The following ZNF398 variants were observed in gnomAD, a reference collection of about 807,000 sequenced individuals.
The protein encoded by ZNF398 is zinc finger DNA binding protein ZER6.
In ZNF398, 18 loss-of-function variants were observed where a neutral mutation model predicts 41.9. The ratio of observed to expected loss-of-function variants is 0.43; its 90% CI spans 0.30 to 0.64. ZNF398 has a LOEUF of 0.64. Among genes scored for constraint, ZNF398 ranks in the 30% least tolerant of loss-of-function variants. The pLI is 0.14. For missense variants in ZNF398, 669 were observed against 822.8 expected (o/e 0.81, Z 2.29); for synonymous variants, 260 against 308.8 (o/e 0.84, Z 1.66).
rs1826993001 is a variant in ZNF398, at chr7:149,147,826, G to A, written c.24+60G>A. Reference sequence around the variant, plus strand: ...CGAGACCCAGACCCCGAGGGAGGAAGGCGGGCGGGCAGGGAGCTGCCAGGC... The same window carrying A: ...CGAGACCCAGACCCCGAGGGAGGAAAGCGGGCGGGCAGGGAGCTGCCAGGC... On this transcript the variant is annotated intron_variant, in intron 1 of 5. Coordinates refer to ENST00000475153, the MANE Select transcript of ZNF398 (RefSeq NM_170686.3). This position sits in a 1 kb window ranked among gnomAD's most constrained non-coding sequence, Gnocchi z 5.6. 7.5e-7 allele frequency: 1 copy of A among 1,325,450 alleles called. No individual in the cohort carries two copies. The highest frequency in any genetic ancestry group is 9.7e-7 in the Non-Finnish European group (1 of 1,034,222). The allele number at this position is 1,325,450 out of a possible 1,614,324, so 82.1% of individuals were successfully genotyped here.
intron 2 of ZNF398, among the ~76,000 whole-genome samples, chr7:149,133,749 A>G (rs1312336373): frequency 5.8e-5 from 8 of 138,080 alleles, no homozygotes; most frequent in African/African-American, 1.8e-4. Context: ...TGTGACCTTC[A>G]GATTTTTTTT....
chr7:149,151,179 C>G (rs1827102778), intron 1 of ZNF398: 1 of 1,148,458 alleles, frequency 8.7e-7, no homozygotes, highest in Middle Eastern at 2.5e-4. Flanking sequence ...TATGTGGTGA[C>G]AGCAGTTTAC....
At position 149,166,263 on chromosome 7, in the gene ZNF398, T is replaced by A; in HGVS notation, c.526T>A (p.Tyr176Asn). ...ELYKNIMKGN[Y>N]ESLISMDYAI... ...TTACAAGAATATCATGAAGGGCAAC[T>A]ACGAGTCTCTCATCTCCATGGGTGA... Residue 176 changes from tyrosine to asparagine, a missense_variant, in exon 3 of 6, where the codon TAC becomes AAC. Tyr to Asn is a moderately radical substitution (Grantham distance 143). Around this residue, in one of 3 missense-constraint regions of ZNF398, gnomAD observed 169 missense variants for 239.5 expected, o/e 0.71. Coordinates refer to ENST00000475153, the MANE Select transcript of ZNF398 (RefSeq NM_170686.3). 4 of 1,614,160 alleles carry A rather than the reference T, an allele frequency of 2.5e-6. No individual in the cohort carries two copies. Among genetic ancestry groups the A allele is most frequent in the Non-Finnish European group, 3.4e-6 (4 of 1,180,014 alleles).
Position 149,178,700 on chromosome 7 carries a change from T to C in ZNF398, c.828T>C (p.Pro276=). 4 of 1,614,222 alleles carry C rather than the reference T, an allele frequency of 2.5e-6. No individual in the cohort carries two copies. In the Middle Eastern group the frequency reaches 6.6e-4, roughly 266 times the overall value. The part of the protein sequence containing the change: ...AEGLARSSLC[P]EVPVPFSSPP... ...GCCTTGCTAGATCCTCGTTGTGCCCTGAGGTTCCAGTCCCTTTCTCTTCTC... is the reference window on the plus strand; with the variant it reads ...GCCTTGCTAGATCCTCGTTGTGCCCCGAGGTTCCAGTCCCTTTCTCTTCTC... Residue 276 remains proline (P), a synonymous_variant, in exon 6 of 6, where the codon CCT becomes CCC. Coordinates refer to ENST00000475153, the MANE Select transcript of ZNF398 (RefSeq NM_170686.3).
intron 2 of ZNF398, among the ~76,000 whole-genome samples, chr7:149,142,433 C>T (rs903377428): frequency 1.3e-5 from 2 of 152,032 alleles, no homozygotes; most frequent in African/African-American, 2.4e-5. Flanking sequence ...TTTGGGAGGC[C>T]GAGGCGGGCG....
chr7:149,138,845 G>A (rs1585505204), intron 2 of ZNF398, among the ~76,000 whole-genome samples: 1 of 151,808 alleles, frequency 6.6e-6, no homozygotes, highest in African/African-American at 2.4e-5. Context: ...AACCTCTGGG[G>A]TTCAATTGAT....
chr7:149,172,373 G>A (rs1171359039), intron 4 of ZNF398, among the ~76,000 whole-genome samples: 2 of 152,090 alleles, frequency 1.3e-5, no homozygotes, highest in South Asian at 2.1e-4. Flanking sequence ...CACTGTATAC[G>A]CTACCTGGCC....
upstream of ZNF398, chr7:149,147,217 G>T (rs1411275565): frequency 1.3e-5 from 2 of 152,262 alleles, no homozygotes; most frequent in Non-Finnish European, 2.9e-5. The surrounding 1 kb of genome is among the most constrained non-coding windows in gnomAD (Gnocchi z 5.6). Context: ...AATGAGCCCG[G>T]CTTTGCGGCT....
chr7:149,154,723 G>T (rs573159787), intron 2 of ZNF398, among the ~76,000 whole-genome samples: 1 of 152,068 alleles, frequency 6.6e-6, no homozygotes, highest in South Asian at 2.1e-4. Flanking sequence ...TTGAGGCTGG[G>T]CGCGGTGGCT....
chr7:149,176,379 C>T (rs1795460944), intron 4 of ZNF398, 89 bp from the exon 5 acceptor site: 3 of 903,120 alleles, frequency 3.3e-6, no homozygotes, highest in East Asian at 2.4e-5. Flanking sequence ...ATATTTGGGG[C>T]AAAATATAGT....
chr7:149,129,504 C>T lies in ZNF398; in HGVS notation c.-490+560C>T, dbSNP rs562253084. Among the ~76,000 whole-genome samples the T allele has an allele frequency of 3.9e-4, 59 of 152,116 alleles. 1 individual carries two copies. Among genetic ancestry groups the T allele is most frequent in the South Asian group, 6.2e-4 (3 of 4,828 alleles). On this transcript the variant is annotated intron_variant, in intron 2 of 6. Coordinates refer to the ZNF398 transcript ENST00000426851. ...AAATGATTCTCCTGTTTCAGCCTCCCGAGTAGCTGGGACTACAGGTGCATC... is the reference window on the plus strand; with the variant it reads ...AAATGATTCTCCTGTTTCAGCCTCCTGAGTAGCTGGGACTACAGGTGCATC...
rs1437170137 is a variant in ZNF398, at chr7:149,179,319, T to C, written c.1447T>C (p.Phe483Leu). Residue 483 changes from phenylalanine (F) to leucine (L), a missense_variant, in exon 6 of 6, where the codon TTC becomes CTC. By Grantham distance (22) the Phe-to-Leu change is conservative. This residue lies in a region of ZNF398 where 210 missense variants were observed against 290.4 expected (regional missense o/e 0.72). Coordinates refer to ENST00000475153, the MANE Select transcript of ZNF398 (RefSeq NM_170686.3). The surrounding 1 kb of genome is among the most constrained non-coding windows in gnomAD (Gnocchi z 6.1). ...GCGGGGTCATGCACAAGAGCGCCCT[T>C]TCTCCTGCCCTCAGTGTGGCATTGA... ...HQRGHAQERP[F>L]SCPQCGIDFN... The C allele has an allele frequency of 6.2e-7, 1 of 1,613,110 alleles. No homozygotes were observed. The highest frequency in any genetic ancestry group is 1.3e-5 in the African/African-American group (1 of 74,890).
chr7:149,131,484 G>C (rs1031382984), intron 2 of ZNF398, among the ~76,000 whole-genome samples: 1 of 152,132 alleles, frequency 6.6e-6, no homozygotes, highest in African/African-American at 2.4e-5. Context: ...TCAGGAGATT[G>C]AGACAATCCT....
chr7:149,139,876 G>A (rs1164832668), intron 2 of ZNF398, among the ~76,000 whole-genome samples: 2 of 151,188 alleles, frequency 1.3e-5, no homozygotes, highest in East Asian at 3.9e-4. Flanking sequence ...GTGGTGGCGG[G>A]CACCTGTGGT....
chr7:149,179,193 C>T lies in ZNF398; in HGVS notation c.1321C>T (p.Arg441Ter), dbSNP rs1308076527. 2 of 1,613,278 alleles carry T rather than the reference C, an allele frequency of 1.2e-6. No homozygotes were observed. Among genetic ancestry groups the T allele is most frequent in the Non-Finnish European group, 1.7e-6 (2 of 1,179,980 alleles). Residue 441 changes from arginine (R) to a stop codon, truncating the protein, a stop_gained, in exon 6 of 6, where the codon CGA (arginine) becomes TGA (stop). Transcript: ENST00000475153. LOFTEE classifies it high-confidence loss of function. This position sits in a 1 kb window ranked among gnomAD's most constrained non-coding sequence, Gnocchi z 6.1. The part of the protein sequence containing the change: ...DCPKRFADQA[R>*]LTSHRRAHAS... ...CCCCAAGCGCTTTGCTGACCAGGCT[C>T]GACTCACCAGCCACCGGAGAGCTCA...
intron 2 of ZNF398, among the ~76,000 whole-genome samples, chr7:149,133,719 G>A (rs13246928): frequency 0.021 from 1,494 of 71,136 alleles, 49 homozygotes; most frequent in African/African-American, 0.084. Flanking sequence ...ACATATATAT[G>A]TATATATATA....
intron 2 of ZNF398, among the ~76,000 whole-genome samples, chr7:149,137,442 C>T (rs530789129): frequency 2.6e-5 from 4 of 152,140 alleles, no homozygotes; most frequent in Admixed American, 6.5e-5. Flanking sequence ...AGTGCAGTGG[C>T]GTGATCTCGG....
Position 149,179,900 on chromosome 7 carries a change from T to C in ZNF398, c.*99T>C. The stretch of plus-strand genomic sequence containing the variant: ...CCCATCCAACACCCACAGTAATTAT[T>C]ATCTGGCACATCAATGAATTTGGGG... On this transcript the variant is annotated 3_prime_UTR_variant, in exon 6 of 6. Coordinates refer to ENST00000475153, the MANE Select transcript of ZNF398 (RefSeq NM_170686.3). This position sits in a 1 kb window ranked among gnomAD's most constrained non-coding sequence, Gnocchi z 6.1. 1 of 1,136,666 alleles carries C rather than the reference T, an allele frequency of 8.8e-7. No homozygotes were observed. Among genetic ancestry groups the C allele is most frequent in the African/African-American group, 1.5e-5 (1 of 64,600 alleles). The allele number at this position is 1,136,666 out of a possible 1,614,324, so 70.4% of individuals were successfully genotyped here. A position where few individuals can be genotyped will look rare whatever the true frequency, so the allele number is the denominator to read the frequency against.
Position 149,178,812 on chromosome 7 carries a change from A to C in ZNF398, c.940A>C (p.Thr314Pro). Reference sequence around the variant, plus strand: ...CATGACACCTTTTGGACGTCCAGCCACTGACCTGCCTGAAGCCTCTGAGGG... The same window carrying C: ...CATGACACCTTTTGGACGTCCAGCCCCTGACCTGCCTGAAGCCTCTGAGGG... Reference protein sequence around the residue: ...TSMTPFGRPATDLPEASEGQV... With the variant: ...TSMTPFGRPAPDLPEASEGQV... The change falls in exon 6 of 6, where the codon ACT (threonine) becomes CCT (proline). Residue 314 changes from threonine to proline, a missense_variant. Physicochemically the swap from Thr to Pro is conservative, Grantham distance 38. This residue lies in a region of ZNF398 where 290 missense variants were observed against 292.9 expected (regional missense o/e 0.99). Transcript: ENST00000475153. The C allele has an allele frequency of 6.2e-7, 1 of 1,614,146 alleles. No homozygotes were observed. The highest frequency in any genetic ancestry group is 8.5e-7 in the Non-Finnish European group (1 of 1,180,020).
Sources: gnomAD v4.1 joint callset for allele counts (sites outside exome capture counted in the v4.1 genomes callset) on GRCh38, gnomAD v4.1.1 for gene constraint, gnomAD v4.1.1 regional missense constraint, Gnocchi (gnomAD v3.1) non-coding constraint, MANE v1.5 for transcripts, NCBI Gene and HGNC (gene_info 2026-07-23, HGNC 2026-07-21) for gene names.